Variants in IQCB1 observed in about 807,000 individuals in gnomAD.
IQCB1 encodes IQ motif containing B1.
IQCB1 carries 56 observed loss-of-function variants against 84.4 expected under a neutral mutation model. The ratio of observed to expected loss-of-function variants is 0.66; its 90% CI spans 0.54 to 0.83. The LOEUF (loss-of-function observed/expected upper bound fraction) is 0.83. IQCB1 is among the 40% of genes least tolerant of loss of function. The pLI, the probability that IQCB1 is intolerant of heterozygous loss-of-function variation, is 0.00. For missense variants in IQCB1, 629 were observed against 682.1 expected (o/e 0.92, Z 0.87); for synonymous variants, 210 against 234.8 (o/e 0.89, Z 0.96).
At chr3:121,795,322 C>A in intron 10 of IQCB1, 135 bp downstream of exon 10, 2 of 695,000 alleles carry the variant, frequency 2.9e-6, no homozygotes, top group South Asian at 3.1e-5. Context: ...TGTTGGTACC[C>A]AGAAACGTAT....
At chr3:121,772,002 C>T (rs1318800984) in intron 14 of IQCB1, among the ~76,000 whole-genome samples, 3 of 151,984 alleles carry the variant, frequency 2.0e-5, no homozygotes, top group South Asian at 2.1e-4. Context: ...GGTGAAACTC[C>T]GTCTCTACTA....
At chr3:121,780,673 T>C (rs1948433144) in intron 13 of IQCB1, among the ~76,000 whole-genome samples, 1 of 152,214 alleles carries the variant, frequency 6.6e-6, no homozygotes, top group African/African-American at 2.4e-5. Flanking sequence ...CAGCTACTAA[T>C]ATATTTGTAC....
chr3:121,807,519 A>G (rs1398629641), intron 6 of IQCB1, 76 bp from the exon 7 acceptor site: 13 of 795,800 alleles, frequency 1.6e-5, no homozygotes, highest in Non-Finnish European at 2.6e-5. Context: ...TTCTTTTCAA[A>G]CCAAATCAAA....
chr3:121,772,290 T>C (rs1948030047), intron 14 of IQCB1, among the ~76,000 whole-genome samples: 1 of 152,206 alleles, frequency 6.6e-6, no homozygotes, highest in South Asian at 2.1e-4. Context: ...TAGTAAAAGA[T>C]GGCTAGTAGG....
chr3:121,827,191 T>C (rs576935154), intron 4 of IQCB1, among the ~76,000 whole-genome samples: 28 of 152,162 alleles, frequency 1.8e-4, no homozygotes, highest in African/African-American at 6.7e-4. Flanking sequence ...TTCTCACTTA[T>C]AAGTGAGAAC....
At chr3:121,772,150 G>A (rs547881458) in intron 14 of IQCB1, among the ~76,000 whole-genome samples, 1 of 152,156 alleles carries the variant, frequency 6.6e-6, no homozygotes, top group African/African-American at 2.4e-5. Flanking sequence ...ACTCCAGCCT[G>A]GCAACAGAGC....
intron 2 of IQCB1, among the ~76,000 whole-genome samples, chr3:121,830,483 A>G (rs1353079445): frequency 6.6e-6 from 1 of 152,146 alleles, no homozygotes; most frequent in South Asian, 2.1e-4. Context: ...TAGTAAAGCT[A>G]ACATGTATCA....
chr3:121,818,549 T>A (rs973138666), intron 5 of IQCB1, among the ~76,000 whole-genome samples: 7 of 152,114 alleles, frequency 4.6e-5, no homozygotes, highest in African/African-American at 1.4e-4. Flanking sequence ...ACTAAAGACA[T>A]GTGAGCTTGT....
intron 5 of IQCB1, among the ~76,000 whole-genome samples, chr3:121,818,714 G>A (rs1047515428): frequency 1.3e-5 from 2 of 152,190 alleles, no homozygotes; most frequent in Admixed American, 1.3e-4. Flanking sequence ...ATATCTATAT[G>A]TCAAATGCAT....
intron 12 of IQCB1, among the ~76,000 whole-genome samples, chr3:121,786,097 G>A (rs1003073390): frequency 2.0e-5 from 3 of 147,566 alleles, no homozygotes; most frequent in East Asian, 3.9e-4. Flanking sequence ...CTTGAGCCTC[G>A]CAGATAAAGG....
chr3:121,792,029 T>C (rs1044197767), intron 10 of IQCB1, among the ~76,000 whole-genome samples: 7 of 152,106 alleles, frequency 4.6e-5, no homozygotes, highest in Non-Finnish European at 7.4e-5. Context: ...GAGGTTGCAG[T>C]GAGCCAAGAT....
intron 7 of IQCB1, among the ~76,000 whole-genome samples, chr3:121,800,373 G>A (rs1444398959): frequency 1.3e-5 from 2 of 151,830 alleles, no homozygotes; most frequent in Non-Finnish European, 2.9e-5. Flanking sequence ...TGAGCTTTTT[G>A]AAAATTGTAC....
chr3:121,795,757 A>G (rs1949165041), intron 9 of IQCB1, among the ~76,000 whole-genome samples, 191 bp from the exon 10 acceptor site: 1 of 152,180 alleles, frequency 6.6e-6, no homozygotes, highest in African/African-American at 2.4e-5. Context: ...AACATACTCA[A>G]GATATAGTCT....
chr3:121,807,199 A>G (rs1362423161), intron 7 of IQCB1, 145 bp downstream of exon 7: 8 of 594,548 alleles, frequency 1.3e-5, no homozygotes, highest in Admixed American at 2.6e-5. Flanking sequence ...ATACTTGTAT[A>G]TACATTATAT....
intron 5 of IQCB1, among the ~76,000 whole-genome samples, chr3:121,816,545 A>C (rs1407820761): frequency 6.6e-6 from 1 of 152,178 alleles, no homozygotes; most frequent in Non-Finnish European, 1.5e-5. Flanking sequence ...AATATCAAGA[A>C]TCTAAAAGGA....
At chr3:121,821,495 T>C (rs1950272827) in intron 5 of IQCB1, among the ~76,000 whole-genome samples, 2 of 152,206 alleles carry the variant, frequency 1.3e-5, no homozygotes, top group Non-Finnish European at 2.9e-5. Flanking sequence ...TTCCCTACTC[T>C]TCCCCTTTAT....
chr3:121,782,805 G>A (rs918598152), intron 12 of IQCB1, among the ~76,000 whole-genome samples: 1 of 152,038 alleles, frequency 6.6e-6, no homozygotes, highest in African/African-American at 2.4e-5. Flanking sequence ...TCAGCCCCCT[G>A]AGTAGCTGGG....
Position 121,790,131 on chromosome 3 carries a change from C to T in IQCB1, c.1071G>A (p.Gln357=). ...DLKLQLQLQR[Q]RAMRLSRELQ... ...ATTCTCGGGAAAGTCTCATGGCTCTCTGTCTTTGAAGTTGCAATTGTAATT... is the reference window on the plus strand; with the variant it reads ...ATTCTCGGGAAAGTCTCATGGCTCTTTGTCTTTGAAGTTGCAATTGTAATT... The change falls in exon 11 of 15, where the codon CAG becomes CAA. Residue 357 remains glutamine, a synonymous_variant. Coordinates refer to ENST00000310864, the MANE Select transcript of IQCB1 (RefSeq NM_001023570.4). The T allele has an allele frequency of 6.2e-7, 1 of 1,613,766 alleles. No homozygotes were observed. The highest frequency in any genetic ancestry group is 8.5e-7 in the Non-Finnish European group (1 of 1,179,690).
At chr3:121,797,009 T>G (rs1265638277) in intron 9 of IQCB1, 109 bp downstream of exon 9, 2 of 738,320 alleles carry the variant, frequency 2.7e-6, no homozygotes, top group Admixed American at 3.8e-5. Context: ...GTTTTGGGGG[T>G]ATTTTGCTTG....
Sources: allele counts gnomAD v4.1 joint callset (sites outside exome capture counted in the v4.1 genomes callset), GRCh38; gene constraint gnomAD v4.1.1; transcripts MANE v1.5; gene names NCBI Gene and HGNC (gene_info 2026-07-23, HGNC 2026-07-21).